SATB1: variants seen among roughly 807,000 people sequenced by gnomAD.
The protein encoded by SATB1 is SATB homeobox 1.
SATB1 carries 11 observed loss-of-function variants against 86.9 expected under a neutral mutation model. The observed-to-expected ratio is 0.13, with a 90% CI of 0.08 to 0.21. The LOEUF (loss-of-function observed/expected upper bound fraction) is 0.21. Ranked by LOEUF, SATB1 falls within the 10% of genes least tolerant of loss-of-function variation. SATB1 has a pLI of 1.00. For synonymous variants in SATB1, 357 were observed against 357.2 expected (o/e 1.00, Z 0.01); for missense variants, 551 against 937.6 (o/e 0.59, Z 5.39).
At chr3:18,426,166 A>G (rs1169731624), upstream of SATB1, among the ~76,000 whole-genome samples, 2 of 152,154 alleles carry the variant, frequency 1.3e-5, no homozygotes, top group African/African-American at 4.8e-5. The surrounding 1 kb of genome is among the most constrained non-coding windows in gnomAD (Gnocchi z 4.2). Flanking sequence ...GAGCCTCGAA[A>G]CGCTCGGAAT....
rs1404349148 is a variant in SATB1 at position 18,424,860 on chromosome 3, T to G, written c.-1258A>C. 2 of 153,714 alleles carry G rather than the reference T, an allele frequency of 1.3e-5. No homozygotes were observed. The highest frequency in any genetic ancestry group is 4.8e-5 in the African/African-American group (2 of 41,390). 9.5% of individuals were successfully genotyped at this position (153,714 alleles called of 1,614,324 possible). On this transcript the variant is annotated 5_prime_UTR_variant, in exon 1 of 11. Coordinates refer to ENST00000338745, the MANE Select transcript of SATB1 (RefSeq NM_002971.6). ...CTTTCGGCTGGGCCCCCGGGCAGGA[T>G]AGAGGGCGGCCGCGGCTGTTGTTGT...
intron 5 of SATB1, 28 bp downstream of exon 5, chr3:18,415,083 A>C: frequency 6.2e-7 from 1 of 1,611,156 alleles, no homozygotes; most frequent in Non-Finnish European, 8.5e-7. Context: ...ATGATGTCTT[A>C]TTATTTATTA....
At chr3:18,402,627 C>A (rs1697327708) in intron 5 of SATB1, among the ~76,000 whole-genome samples, 1 of 152,050 alleles carries the variant, frequency 6.6e-6, no homozygotes, top group Non-Finnish European at 1.5e-5. Context: ...AACTAAACAG[C>A]CTGTACCGGA....
chr3:18,370,311 A>G (rs1252913685), intron 9 of SATB1, among the ~76,000 whole-genome samples: 4 of 152,234 alleles, frequency 2.6e-5, no homozygotes, highest in Non-Finnish European at 5.9e-5. Context: ...TAATTCTTCT[A>G]TCCAACCTGT....
chr3:18,348,658 ATAT>A lies in SATB1; in HGVS notation c.*509_*511del, dbSNP rs1308095935. On this transcript the variant is annotated 3_prime_UTR_variant, in exon 11 of 11. Coordinates refer to ENST00000338745, the MANE Select transcript of SATB1 (RefSeq NM_002971.6). ...CATATAATACAAGGCATTTGTTGGC[ATAT>A]GTCATCTTTAAACTGCATTCCACAG... 1 of 152,846 alleles carries A rather than the reference ATAT, an allele frequency of 6.5e-6. No homozygotes were observed. The highest frequency in any genetic ancestry group is 1.5e-5 in the Non-Finnish European group (1 of 68,274). 9.5% of individuals were successfully genotyped at this position (152,846 alleles called of 1,614,324 possible).
At position 18,386,252 on chromosome 3, in the gene SATB1, T is replaced by C; in HGVS notation, c.1419+147A>G. The C allele has an allele frequency of 1.5e-6, 1 of 646,400 alleles. No individual in the cohort carries two copies. Among genetic ancestry groups the C allele is most frequent in the Admixed American group, 2.9e-5 (1 of 34,392 alleles). The allele number at this position is 646,400 out of a possible 1,614,324, so 40.0% of individuals were successfully genotyped here. A position where few individuals can be genotyped will look rare whatever the true frequency, so the allele number is the denominator to read the frequency against. Reference sequence around the variant, plus strand: ...TTGTTTTTATATCAGAATTAATGATTTGGGACCAAATTCTCCTCAAGCAAC... The same window carrying C: ...TTGTTTTTATATCAGAATTAATGATCTGGGACCAAATTCTCCTCAAGCAAC... On this transcript the variant is annotated intron_variant, in intron 8 of 10. Transcript: ENST00000338745. This position sits in a 1 kb window ranked among gnomAD's most constrained non-coding sequence, Gnocchi z 4.5.
chr3:18,425,979 G>T (rs765417002), upstream of SATB1, among the ~76,000 whole-genome samples: 3 of 152,160 alleles, frequency 2.0e-5, no homozygotes, highest in Non-Finnish European at 2.9e-5. Context: ...GACAGGCGAG[G>T]TGGGGGGACA....
At position 18,388,215 on chromosome 3, in the gene SATB1, A is replaced by G. The variant is rs183023164; in HGVS notation, c.1207-1604T>C. Among the ~76,000 whole-genome samples the G allele has an allele frequency of 1.6e-3, 236 of 152,254 alleles. 4 individuals are homozygous for G. Among genetic ancestry groups the G allele is most frequent in the Admixed American group, 0.013 (202 of 15,306 alleles). ...AAAACATCTAGTCAATTTAACTAAA[A>G]TTCAGTCAAACAGGCAGTCAATCAT... On this transcript the variant is annotated intron_variant, in intron 7 of 10. Transcript: ENST00000338745.
At chr3:18,438,469 G>C (rs1362869809) in intron 1 of SATB1, 5 of 152,152 alleles carry the variant, frequency 3.3e-5, no homozygotes, top group African/African-American at 1.2e-4. Context: ...CATCCCAACA[G>C]AAAGCCCTCC....
intron 5 of SATB1, among the ~76,000 whole-genome samples, chr3:18,397,753 A>C (rs1198806212): frequency 1.3e-5 from 2 of 152,228 alleles, no homozygotes; most frequent in African/African-American, 2.4e-5. Flanking sequence ...GAAATGCAGA[A>C]TCTTGGGCCC....
chr3:18,387,197 T>C (rs1054443948), intron 7 of SATB1, among the ~76,000 whole-genome samples: 1 of 152,208 alleles, frequency 6.6e-6, no homozygotes, highest in Non-Finnish European at 1.5e-5. Context: ...ACCCTTTCAA[T>C]TTACCATTTT....
chr3:18,442,769 T>C (rs1302511270), upstream of SATB1, among the ~76,000 whole-genome samples: 1 of 152,228 alleles, frequency 6.6e-6, no homozygotes, highest in Non-Finnish European at 1.5e-5. Flanking sequence ...ATTAAATTTG[T>C]TTCACAACAG....
intron 4 of SATB1, 91 bp from the exon 5 acceptor site, chr3:18,415,325 C>T (rs1698054872): frequency 6.8e-6 from 10 of 1,472,496 alleles, no homozygotes; most frequent in Non-Finnish European, 8.4e-6. Context: ...TCATTTTGCG[C>T]ATCAAACAGA....
At chr3:18,356,354 G>A (rs1434288443) in intron 9 of SATB1, among the ~76,000 whole-genome samples, 2 of 146,292 alleles carry the variant, frequency 1.4e-5, no homozygotes, top group Admixed American at 1.4e-4. Flanking sequence ...ACCTAAGACT[G>A]TACGAAATAA....
At chr3:18,378,591 A>T (rs2125189193) in intron 8 of SATB1, among the ~76,000 whole-genome samples, 1 of 152,294 alleles carries the variant, frequency 6.6e-6, no homozygotes, top group Admixed American at 6.5e-5. Context: ...AGTTTTCTGG[A>T]AAACGAAATA....
chr3:18,403,407 C>A (rs1272975570), intron 5 of SATB1, among the ~76,000 whole-genome samples: 2 of 151,954 alleles, frequency 1.3e-5, no homozygotes, highest in South Asian at 2.1e-4. Flanking sequence ...ACTAAGGAAT[C>A]TGAATATCTT....
rs1699304125 is a variant in SATB1 at position 18,443,819 on chromosome 3, G to A, written c.-25+1699C>T. Among the ~76,000 whole-genome samples the A allele has an allele frequency of 6.6e-6, 1 of 152,176 alleles. No individual in the cohort carries two copies. The highest frequency in any genetic ancestry group is 6.5e-5 in the Admixed American group (1 of 15,284). ...TGCGAGGCTGCACCTGTGATGTCCC[G>A]GCCCCTGCTAAGAGGACGGCCCTTT... is the stretch of plus-strand genomic sequence containing the variant. On this transcript the variant is annotated intron_variant, in intron 1 of 3. Coordinates refer to the SATB1 transcript ENST00000415069. This position sits in a 1 kb window ranked among gnomAD's most constrained non-coding sequence, Gnocchi z 4.4.
intron 9 of SATB1, among the ~76,000 whole-genome samples, chr3:18,364,485 A>G (rs908823083): frequency 3.9e-5 from 6 of 152,216 alleles, no homozygotes; most frequent in Non-Finnish European, 7.3e-5. Flanking sequence ...ATGGTGACAA[A>G]TTCATAGGTA....
At chr3:18,369,892 C>T (rs1031987674) in intron 9 of SATB1, among the ~76,000 whole-genome samples, 1 of 152,154 alleles carries the variant, frequency 6.6e-6, no homozygotes, top group East Asian at 1.9e-4. Flanking sequence ...AGCCGGAGTG[C>T]CACAAGCTCC....
Sources: gnomAD v4.1 joint callset for allele counts (sites outside exome capture counted in the v4.1 genomes callset) on GRCh38, gnomAD v4.1.1 for gene constraint, Gnocchi (gnomAD v3.1) non-coding constraint, MANE v1.5 for transcripts, NCBI Gene and HGNC (gene_info 2026-07-23, HGNC 2026-07-21) for gene names.